The following OSBPL8 variants were observed in gnomAD, a reference collection of about 807,000 sequenced individuals.
OSBPL8 encodes the protein oxysterol-binding protein-related protein 8.
A neutral mutation model predicts 125.5 loss-of-function variants in OSBPL8; 59 were observed. The ratio of observed to expected loss-of-function variants is 0.47; its 90% CI spans 0.38 to 0.58. The LOEUF (loss-of-function observed/expected upper bound fraction) is 0.58, where lower values mean the gene tolerates loss of function less well. Among genes scored for constraint, OSBPL8 ranks in the 20% least tolerant of loss-of-function variants. The probability of loss-of-function intolerance (pLI) is 0.00; values close to 1 mark genes in which losing one functional copy is unlikely to be tolerated. For missense variants in OSBPL8, 758 were observed against 1,047.8 expected (o/e 0.72, Z 3.82); for synonymous variants, 330 against 338.9 (o/e 0.97, Z 0.29).
intron 4 of OSBPL8, among the ~76,000 whole-genome samples, chr12:76,415,751 T>C (rs1868569057): frequency 6.6e-6 from 1 of 152,224 alleles, no homozygotes; most frequent in South Asian, 2.1e-4. Flanking sequence ...TTTTTGATAC[T>C]GGCTAATTGT....
chr12:76,424,885 G>A (rs1391146003), intron 4 of OSBPL8, among the ~76,000 whole-genome samples: 2 of 152,092 alleles, frequency 1.3e-5, no homozygotes, highest in African/African-American at 2.4e-5. Context: ...ATATCCAGGA[G>A]AGGATATATT....
chr12:76,532,971 A>C (rs1950388660), intron 1 of OSBPL8, among the ~76,000 whole-genome samples: 1 of 152,222 alleles, frequency 6.6e-6, no homozygotes, highest in Non-Finnish European at 1.5e-5. Context: ...AAGTTACCCA[A>C]ACCTTTCTAT....
At chr12:76,441,671 T>C (rs1872196283) in intron 4 of OSBPL8, among the ~76,000 whole-genome samples, 1 of 152,054 alleles carries the variant, frequency 6.6e-6, no homozygotes, top group South Asian at 2.1e-4. Flanking sequence ...AGTTAAAAAA[T>C]ATATAAAAGA....
chr12:76,512,534 A>G (rs1881106190), intron 1 of OSBPL8, among the ~76,000 whole-genome samples: 1 of 151,794 alleles, frequency 6.6e-6, no homozygotes, highest in Non-Finnish European at 1.5e-5. Flanking sequence ...ATTCTGTTCC[A>G]TTTGTCTATG....
At chr12:76,391,578 T>C (rs1407362306) in intron 10 of OSBPL8, among the ~76,000 whole-genome samples, 1 of 152,140 alleles carries the variant, frequency 6.6e-6, no homozygotes, top group Non-Finnish European at 1.5e-5. Context: ...AGTGAGACTA[T>C]GTCTCAATAA....
At chr12:76,402,044 A>G (rs1275103584) in intron 6 of OSBPL8, among the ~76,000 whole-genome samples, 1 of 152,190 alleles carries the variant, frequency 6.6e-6, no homozygotes, top group East Asian at 1.9e-4. Context: ...ATAATTCTAT[A>G]CCCTCAAAAC....
Position 76,355,694 on chromosome 12 carries a change from TTTAA to T in OSBPL8, c.*191_*194del. The T allele has an allele frequency of 1.8e-6, 1 of 563,690 alleles. No homozygotes were observed. Among genetic ancestry groups the T allele is most frequent in the Non-Finnish European group, 3.0e-6 (1 of 335,080 alleles). 34.9% of individuals were successfully genotyped at this position (563,690 alleles called of 1,614,324 possible). On this transcript the variant is annotated 3_prime_UTR_variant, in exon 24 of 24. Transcript: ENST00000261183. ...TCCTGGCACTTAACACATAGCTCAC[TTTAA>T]TAATCAAATAGGATAGCTCTTGTTT... is the stretch of plus-strand genomic sequence containing the variant.
chr12:76,422,521 A>C (rs1869615593), intron 4 of OSBPL8: 1 of 456,424 alleles, frequency 2.2e-6, no homozygotes, highest in Non-Finnish European at 4.4e-6. Context: ...CTGGCAATGA[A>C]GGAGAAAGTT....
chr12:76,420,510 A>G (rs905869531), intron 4 of OSBPL8, among the ~76,000 whole-genome samples: 1 of 152,076 alleles, frequency 6.6e-6, no homozygotes, highest in Non-Finnish European at 1.5e-5. Context: ...GTTATAGCTA[A>G]TCATAAAGAA....
At chr12:76,415,722 C>T (rs778473085) in intron 4 of OSBPL8, among the ~76,000 whole-genome samples, 3 of 152,184 alleles carry the variant, frequency 2.0e-5, no homozygotes, top group Non-Finnish European at 4.4e-5. Context: ...ATGGCTCCAA[C>T]TATAGTTATA....
intron 1 of OSBPL8, among the ~76,000 whole-genome samples, chr12:76,499,292 A>C (rs1405967053): frequency 7.5e-6 from 1 of 134,090 alleles, no homozygotes; most frequent in East Asian, 2.5e-4. Flanking sequence ...ATGTAAGTTA[A>C]TACTTAATAA....
intron 4 of OSBPL8, among the ~76,000 whole-genome samples, chr12:76,432,180 A>T (rs1244514216): frequency 1.3e-5 from 2 of 152,196 alleles, no homozygotes; most frequent in Admixed American, 6.6e-5. Context: ...AAGGAATTAA[A>T]AGAGAAATTT....
At chr12:76,485,297 C>A (rs1050982520) in intron 2 of OSBPL8, among the ~76,000 whole-genome samples, 1 of 152,022 alleles carries the variant, frequency 6.6e-6, no homozygotes, top group Non-Finnish European at 1.5e-5. Context: ...TAAGACCGGG[C>A]GCAGTAGCTC....
chr12:76,525,082 G>A (rs1950134648), intron 1 of OSBPL8, among the ~76,000 whole-genome samples: 1 of 152,090 alleles, frequency 6.6e-6, no homozygotes, highest in Admixed American at 6.5e-5. Context: ...CTGCAAAGGG[G>A]GGTAAAAACA....
intron 1 of OSBPL8, among the ~76,000 whole-genome samples, chr12:76,556,703 G>A (rs886896857): frequency 3.3e-5 from 5 of 151,942 alleles, no homozygotes; most frequent in Non-Finnish European, 7.4e-5. Flanking sequence ...TTGCTCTATC[G>A]CCCAGGCTGG....
chr12:76,508,451 T>C lies in OSBPL8; in HGVS notation c.-67-20833A>G, dbSNP rs565511335. Among the ~76,000 whole-genome samples, 20 of 152,246 alleles carry C rather than the reference T, an allele frequency of 1.3e-4. No individual in the cohort carries two copies. In the South Asian group the frequency reaches 3.1e-3, roughly 24 times the overall value. On this transcript the variant is annotated intron_variant, in intron 1 of 23. Coordinates refer to ENST00000261183, the MANE Select transcript of OSBPL8 (RefSeq NM_020841.5). ...TAGTGACATCACAGCCATGGTGACA[T>C]TGTCAGTTGCGTTTGAACCAGAGGG...
chr12:76,549,015 AC>A (rs1449990426), intron 1 of OSBPL8, among the ~76,000 whole-genome samples: 1 of 152,176 alleles, frequency 6.6e-6, no homozygotes, highest in African/African-American at 2.4e-5. Flanking sequence ...CGACAATACA[AC>A]ATAGTGTAAA....
intron 2 of OSBPL8, among the ~76,000 whole-genome samples, chr12:76,460,677 G>A (rs1038539856): frequency 5.3e-5 from 8 of 152,124 alleles, no homozygotes; most frequent in Non-Finnish European, 4.4e-5. Context: ...GAAAAAGTCT[G>A]CTGACCTTTT....
intron 15 of OSBPL8, among the ~76,000 whole-genome samples, chr12:76,382,729 A>C (rs1953115385): frequency 6.6e-6 from 1 of 152,100 alleles, no homozygotes; most frequent in African/African-American, 2.4e-5. Context: ...CTAAAAATAC[A>C]AAAATCAGCT....
Sources: gnomAD v4.1 joint callset for allele counts (sites outside exome capture counted in the v4.1 genomes callset) on GRCh38, gnomAD v4.1.1 for gene constraint, MANE v1.5 for transcripts, NCBI Gene and HGNC (gene_info 2026-07-23, HGNC 2026-07-21) for gene names.